ADCY2: variants seen among roughly 807,000 people sequenced by gnomAD.
The protein encoded by ADCY2 is adenylate cyclase 2, also known as adenylate cyclase type 2.
ADCY2 carries 31 observed loss-of-function variants against 125.2 expected under a neutral mutation model. The observed-to-expected ratio is 0.25, with a 90% confidence interval of 0.19 to 0.33. The LOEUF (loss-of-function observed/expected upper bound fraction) is 0.33. ADCY2 is among the 10% of genes least tolerant of loss of function. The pLI is 1.00. For missense variants in ADCY2, 904 were observed against 1,418.2 expected, an observed-to-expected ratio of 0.64 and a Z score of 5.82; for synonymous variants, 512 against 548.4, an observed-to-expected ratio of 0.93 and a Z score of 0.93.
chr5:7,639,547 A>C (rs1738622653), intron 4 of ADCY2, among the ~76,000 whole-genome samples: 2 of 152,184 alleles, frequency 1.3e-5, no homozygotes, highest in African/African-American at 2.4e-5. Flanking sequence ...CGTTTTTAGC[A>C]ATCTTTGGAC....
intron 2 of ADCY2, among the ~76,000 whole-genome samples, chr5:7,445,400 G>C (rs1741203846): frequency 6.6e-6 from 1 of 152,108 alleles, no homozygotes; most frequent in Admixed American, 6.6e-5. Flanking sequence ...TCTTCTGTTA[G>C]CCTCTGTGGG....
intron 15 of ADCY2, among the ~76,000 whole-genome samples, chr5:7,746,495 T>C (rs990399837): frequency 1.3e-5 from 2 of 152,264 alleles, no homozygotes; most frequent in Non-Finnish European, 2.9e-5. Context: ...AAGTGCACTC[T>C]GCACTCTGCC....
intron 16 of ADCY2, among the ~76,000 whole-genome samples, chr5:7,765,829 T>C (rs1039424079): frequency 6.6e-6 from 1 of 152,210 alleles, no homozygotes; most frequent in South Asian, 2.1e-4. Flanking sequence ...CATGAGTCTC[T>C]GGTTTGTTTC....
At chr5:7,652,629 G>A (rs1739138069) in intron 4 of ADCY2, among the ~76,000 whole-genome samples, 1 of 152,156 alleles carries the variant, frequency 6.6e-6, no homozygotes, top group African/African-American at 2.4e-5. Context: ...CCTTTTGTCA[G>A]GTTAACCTCA....
chr5:7,540,122 A>T (rs10866583), intron 3 of ADCY2, among the ~76,000 whole-genome samples: 150,116 of 152,230 alleles, frequency 0.99, 74,054 homozygotes, highest in East Asian at 1. Context: ...CAGTGGGAGC[A>T]AAATGATGAG....
chr5:7,783,554 G>A (rs184700881), intron 18 of ADCY2, among the ~76,000 whole-genome samples: 29 of 152,148 alleles, frequency 1.9e-4, no homozygotes, highest in African/African-American at 6.7e-4. Context: ...AAACAAGGAC[G>A]ACACACAAGC....
chr5:7,615,098 A>T lies in ADCY2; in HGVS notation c.571-11069A>T, dbSNP rs945004075. On this transcript the variant is annotated intron_variant, in intron 3 of 24. Coordinates refer to ENST00000338316, the MANE Select transcript of ADCY2 (RefSeq NM_020546.3). ...GAGAGAGAGAATGGGGAGGTGCTAC[A>T]CACTTGTAAACAGCCAGATCTCATG... 2.6e-5 allele frequency among the ~76,000 whole-genome samples: 4 copies of T among 152,280 alleles called. No individual in the cohort carries two copies. In the East Asian group the frequency reaches 7.7e-4, roughly 29 times the overall value.
At chr5:7,821,598 C>A (rs568377327) in intron 24 of ADCY2, among the ~76,000 whole-genome samples, 77 of 152,324 alleles carry the variant, frequency 5.1e-4, no homozygotes, top group Non-Finnish European at 9.1e-4. Context: ...TCAACTTTGC[C>A]CTTGTACAGC....
Position 7,709,581 on chromosome 5 carries a change from C to T in ADCY2, c.1578+194C>T, listed in dbSNP as rs543780152. ...TCCATGCTGACATTGCTAAGGGTTCCACCCTAGCGTGATTTTGCATTATAG... is the reference window on the plus strand; with the variant it reads ...TCCATGCTGACATTGCTAAGGGTTCTACCCTAGCGTGATTTTGCATTATAG... On this transcript the variant is annotated intron_variant, in intron 10 of 24. Transcript: ENST00000338316. The surrounding 1 kb of genome is among the most constrained non-coding windows in gnomAD (Gnocchi z 4.4). Among the ~76,000 whole-genome samples the T allele has an allele frequency of 8.5e-5, 13 of 152,344 alleles. No homozygotes were observed. The highest frequency in any genetic ancestry group is 2.6e-4 in the African/African-American group (11 of 41,572).
At chr5:7,468,447 T>C (rs27378) in intron 2 of ADCY2, among the ~76,000 whole-genome samples, 25,614 of 152,154 alleles carry the variant, frequency 0.17, 2,696 homozygotes, top group East Asian at 0.47. Context: ...CTTATCAGTT[T>C]GAGAGCTAAA....
At chr5:7,441,668 T>C (rs1241611855) in intron 2 of ADCY2, among the ~76,000 whole-genome samples, 2 of 152,228 alleles carry the variant, frequency 1.3e-5, no homozygotes, top group East Asian at 3.9e-4. Flanking sequence ...GTTAGTTTTA[T>C]GTATTAACTT....
intron 5 of ADCY2, among the ~76,000 whole-genome samples, chr5:7,695,533 C>T (rs1164898137): frequency 1.3e-5 from 2 of 152,118 alleles, no homozygotes; most frequent in Non-Finnish European, 2.9e-5. Flanking sequence ...TATTTTGCTG[C>T]TTCACTCCCC....
In ADCY2 at chr5:7,489,255, A is replaced by G. The variant is rs151312562; in HGVS notation, c.409-31483A>G. Among the ~76,000 whole-genome samples the G allele has an allele frequency of 3.9e-5, 6 of 152,308 alleles. No homozygotes were observed. In the South Asian group the frequency reaches 8.3e-4, roughly 21 times the overall value. On this transcript the variant is annotated intron_variant, in intron 2 of 24. Coordinates refer to ENST00000338316, the MANE Select transcript of ADCY2 (RefSeq NM_020546.3). ...AACATACAAGGACAAGTAGGACAGC[A>G]GGGCCCCTAGCACTCCTAGGTGGCA...
chr5:7,623,776 T>G (rs1299250331), intron 3 of ADCY2, among the ~76,000 whole-genome samples: 1 of 152,206 alleles, frequency 6.6e-6, no homozygotes, highest in Admixed American at 6.5e-5. Context: ...ACAGAGCACG[T>G]GTGTTACCTG....
At chr5:7,631,432 C>T (rs1029067061) in intron 4 of ADCY2, among the ~76,000 whole-genome samples, 3 of 152,170 alleles carry the variant, frequency 2.0e-5, no homozygotes, top group Non-Finnish European at 4.4e-5. Context: ...TACTTGGCCC[C>T]AGATCACTCA....
intron 2 of ADCY2, among the ~76,000 whole-genome samples, chr5:7,435,675 C>G (rs892099498): frequency 1.3e-5 from 2 of 152,196 alleles, no homozygotes; most frequent in Admixed American, 6.5e-5. Flanking sequence ...GCTTAGGTTT[C>G]TTTCTCATTT....
rs57381383 is a variant in ADCY2, at chr5:7,512,218, C to CAAAAAAAAAAAAAAAAAAAA, written c.409-8517_409-8498dup. 2.1e-3 allele frequency among the ~76,000 whole-genome samples: 121 copies of CAAAAAAAAAAAAAAAAAAAA among 57,842 alleles called. 9 individuals carry two copies. The highest frequency in any genetic ancestry group is 0.013 in the Middle Eastern group (1 of 76). The allele number at this position is 57,842 out of a possible 152,430, so 37.9% of individuals were successfully genotyped here. On this transcript the variant is annotated intron_variant, in intron 2 of 24. Transcript: ENST00000338316. ...CCTGGGCAGTAGAGCATGACTCCAT[C>CAAAAAAAAAAAAAAAAAAAA]AAAAAAAAAAAAAAAAAAAAAAGAA... is the stretch of plus-strand genomic sequence containing the variant.
chr5:7,675,106 C>T (rs1304087516), intron 4 of ADCY2, among the ~76,000 whole-genome samples: 1 of 149,724 alleles, frequency 6.7e-6, no homozygotes. Flanking sequence ...CGCAGTGAGC[C>T]GAGATAGCGC....
At chr5:7,819,241 C>T (rs747179292) in intron 23 of ADCY2, among the ~76,000 whole-genome samples, 1 of 152,170 alleles carries the variant, frequency 6.6e-6, no homozygotes, top group Non-Finnish European at 1.5e-5. Context: ...TTTGGCAACA[C>T]CCTCACAGAC....
Sources: gnomAD v4.1 joint callset for allele counts (sites outside exome capture counted in the v4.1 genomes callset) on GRCh38, gnomAD v4.1.1 for gene constraint, Gnocchi (gnomAD v3.1) non-coding constraint, MANE v1.5 for transcripts, NCBI Gene and HGNC (gene_info 2026-07-23, HGNC 2026-07-21) for gene names.